The following TRPC3 variants were observed in gnomAD, a reference collection of about 807,000 sequenced individuals.
TRPC3 encodes the protein transient receptor potential cation channel subfamily C member 3, also known as short transient receptor potential channel 3.
In TRPC3, 54 loss-of-function variants were observed where a neutral mutation model predicts 90.9. The observed-to-expected ratio is 0.59, with a 90% confidence interval of 0.48 to 0.75. The LOEUF is 0.75. TRPC3 is among the 30% of genes least tolerant of loss of function. The probability of loss-of-function intolerance (pLI) is 0.00; values close to 1 mark genes in which losing one functional copy is unlikely to be tolerated. For synonymous variants in TRPC3, 424 were observed against 450.9 expected (o/e 0.94, Z 0.75); for missense variants, 918 against 1,194.5 (o/e 0.77, Z 3.41).
intron 3 of TRPC3, among the ~76,000 whole-genome samples, chr4:121,921,282 G>C (rs1401872820): frequency 6.6e-6 from 1 of 151,944 alleles, no homozygotes; most frequent in African/African-American, 2.4e-5. Flanking sequence ...CAGCACTTTG[G>C]GAGGCCGAGG....
In TRPC3 at chr4:121,951,557, C is replaced by A; in HGVS notation, c.124G>T (p.Gly42Cys). 1 of 1,436,198 alleles carries A rather than the reference C, an allele frequency of 7.0e-7. No individual in the cohort carries two copies. The highest frequency in any genetic ancestry group is 9.2e-7 in the Non-Finnish European group (1 of 1,091,696). 89.0% of individuals were successfully genotyped at this position (1,436,198 alleles called of 1,614,324 possible). Residue 42 changes from glycine to cysteine, a missense_variant, in exon 1 of 12, where the codon GGC (glycine) becomes TGC (cysteine). Gly to Cys is a radical substitution (Grantham distance 159). This residue lies in a region of TRPC3 where 609 missense variants were observed against 725.9 expected (regional missense o/e 0.84). Transcript: ENST00000379645. This position sits in a 1 kb window ranked among gnomAD's most constrained non-coding sequence, Gnocchi z 4.4. ...EPQRRRRGWRGVNGGLEPRSA... is the reference protein window; with the variant it reads ...EPQRRRRGWRCVNGGLEPRSA... ...CGCGGCTCCAGCCCCCCGTTGACGC[C>A]CCTCCAGCCCCGGCGGCGGCGCTGC...
intron 11 of TRPC3, 26 bp downstream of exon 11, chr4:121,882,328 A>G (rs1246080095): frequency 6.3e-7 from 1 of 1,587,726 alleles, no homozygotes; most frequent in Non-Finnish European, 8.6e-7. Context: ...CTATAAAAGG[A>G]TATTTTTTAA....
rs1730787288 is a variant in TRPC3 at position 121,951,924 on chromosome 4, C to T, written c.-244G>A. Among the ~76,000 whole-genome samples the T allele has an allele frequency of 6.6e-6, 1 of 151,976 alleles. No individual in the cohort carries two copies. The highest frequency in any genetic ancestry group is 2.4e-5 in the African/African-American group (1 of 41,398). ...GTGGGAGCAGCTGCCGCGGCCGTGGCTGCGACGAGGAAGCCCGGGGCCGAG... is the reference window on the plus strand; with the variant it reads ...GTGGGAGCAGCTGCCGCGGCCGTGGTTGCGACGAGGAAGCCCGGGGCCGAG... On this transcript the variant is annotated 5_prime_UTR_variant, in exon 1 of 12. Coordinates refer to ENST00000379645, the MANE Select transcript of TRPC3 (RefSeq NM_001130698.2). This position sits in a 1 kb window ranked among gnomAD's most constrained non-coding sequence, Gnocchi z 4.4.
At position 121,932,449 on chromosome 4, in the gene TRPC3, C is replaced by G; in HGVS notation, c.809G>C (p.Gly270Ala). 6.2e-7 allele frequency: 1 copy of G among 1,614,180 alleles called. No homozygotes were observed. ...GTGCCTCTGCTTCTCCATGCAGTCC[C>G]CGCACTTGCAGAAATAGTCGTGCGG... The part of the protein sequence containing the change: ...ERPHDYFCKC[G>A]DCMEKQRHDS... Residue 270 changes from glycine to alanine, a missense_variant, in exon 2 of 12, where the codon GGG (glycine) becomes GCG (alanine). Physicochemically the swap from Gly to Ala is moderately conservative, Grantham distance 60. Around this residue, in one of 4 missense-constraint regions of TRPC3, gnomAD observed 609 missense variants for 725.9 expected, o/e 0.84. Coordinates refer to ENST00000379645, the MANE Select transcript of TRPC3 (RefSeq NM_001130698.2). This position sits in a 1 kb window ranked among gnomAD's most constrained non-coding sequence, Gnocchi z 7.7.
At chr4:121,881,864 T>A (rs1388607765) in intron 11 of TRPC3, among the ~76,000 whole-genome samples, 8 of 152,022 alleles carry the variant, frequency 5.3e-5, no homozygotes, top group African/African-American at 1.7e-4. Flanking sequence ...TTGCTTAAAG[T>A]AAGGAGGCAG....
intron 10 of TRPC3, among the ~76,000 whole-genome samples, chr4:121,893,826 G>A (rs1444685826): frequency 2.0e-5 from 3 of 151,998 alleles, no homozygotes. Flanking sequence ...TATATATGGA[G>A]ACATAAGGAT....
chr4:121,951,504 G>A lies in TRPC3; in HGVS notation c.177C>T (p.His59=). ...PRSAPSQREP[H]GYCPPPFSHG... ...GGGAGAAGGGCGGCGGGCAGTAGCC[G>A]TGCGGCTCCCGCTGCGAGGGCGCCG... is the stretch of plus-strand genomic sequence containing the variant. Residue 59 remains histidine (H), a synonymous_variant, in exon 1 of 12, where the codon CAC becomes CAT. Coordinates refer to ENST00000379645, the MANE Select transcript of TRPC3 (RefSeq NM_001130698.2). This position sits in a 1 kb window ranked among gnomAD's most constrained non-coding sequence, Gnocchi z 4.4. 1.1e-5 allele frequency: 15 copies of A among 1,364,214 alleles called. No homozygotes were observed. The highest frequency in any genetic ancestry group is 3.6e-5 in the South Asian group (2 of 54,980). The allele number at this position is 1,364,214 out of a possible 1,614,324, so 84.5% of individuals were successfully genotyped here.
chr4:121,920,033 A>G (rs1449232385), intron 3 of TRPC3, among the ~76,000 whole-genome samples: 1 of 152,200 alleles, frequency 6.6e-6, no homozygotes, highest in Non-Finnish European at 1.5e-5. Flanking sequence ...TGGGGGGCAA[A>G]TAGTCCATTA....
chr4:121,949,839 G>C (rs1730623706), intron 1 of TRPC3, among the ~76,000 whole-genome samples: 1 of 152,104 alleles, frequency 6.6e-6, no homozygotes, highest in Admixed American at 6.5e-5. Flanking sequence ...TTTGCCCTAG[G>C]GTTTTGTGTA....
intron 1 of TRPC3, among the ~76,000 whole-genome samples, chr4:121,941,187 T>C (rs1331308463): frequency 6.6e-6 from 1 of 152,222 alleles, no homozygotes; most frequent in Non-Finnish European, 1.5e-5. Context: ...GGTGTTTGGG[T>C]TGAATCACAA....
chr4:121,896,637 CT>C (rs908571246), intron 10 of TRPC3, among the ~76,000 whole-genome samples: 1 of 151,998 alleles, frequency 6.6e-6, no homozygotes, highest in Non-Finnish European at 1.5e-5. Flanking sequence ...ATGAAAGAAA[CT>C]GAAGAGGATA....
chr4:121,904,410 A>AAC lies in TRPC3; in HGVS notation c.2164_2165insGT (p.Val722GlyfsTer9). The AAC allele has an allele frequency of 6.2e-7, 1 of 1,607,970 alleles. No homozygotes were observed. ...AGTTACATTGTATATTCCATAAAGA[A>AAC]CGTATCCAATATTTTCTATGAATTT... On this transcript the variant is annotated frameshift_variant, in exon 8 of 12. Transcript: ENST00000379645. LOFTEE classifies it high-confidence loss of function.
At position 121,951,791 on chromosome 4, in the gene TRPC3, C is replaced by T; in HGVS notation, c.-111G>A. On this transcript the variant is annotated 5_prime_UTR_variant, in exon 1 of 12. Coordinates refer to ENST00000379645, the MANE Select transcript of TRPC3 (RefSeq NM_001130698.2). The surrounding 1 kb of genome is among the most constrained non-coding windows in gnomAD (Gnocchi z 4.4). ...TCACCACCTCCCGCGGCTTCCGGGG[C>T]CCCGGGCGGCCCAGGGCGGGAAGGC... 1.1e-6 allele frequency: 1 copy of T among 880,352 alleles called. No homozygotes were observed. The highest frequency in any genetic ancestry group is 1.5e-6 in the Non-Finnish European group (1 of 651,014). 54.5% of individuals were successfully genotyped at this position (880,352 alleles called of 1,614,324 possible). A position where few individuals can be genotyped will look rare whatever the true frequency, so the allele number is the denominator to read the frequency against.
intron 9 of TRPC3, 112 bp from the exon 10 acceptor site, chr4:121,899,807 C>T (rs907922232): frequency 3.7e-6 from 3 of 818,944 alleles, no homozygotes; most frequent in Non-Finnish European, 3.9e-6. Flanking sequence ...TCCCAAGAAA[C>T]ATTTTGTGGA....
At chr4:121,921,746 G>C (rs147855479) in intron 3 of TRPC3, among the ~76,000 whole-genome samples, 1 of 152,040 alleles carries the variant, frequency 6.6e-6, no homozygotes, top group Non-Finnish European at 1.5e-5. Flanking sequence ...GAGTGGGCAG[G>C]GTTTGTGCAT....
chr4:121,925,299 T>C, intron 2 of TRPC3, 93 bp from the exon 3 acceptor site: 1 of 1,358,206 alleles, frequency 7.4e-7, no homozygotes, highest in Non-Finnish European at 9.9e-7. Flanking sequence ...ATCCCTTCTT[T>C]TGGGGGTAGA....
intron 2 of TRPC3, among the ~76,000 whole-genome samples, chr4:121,927,127 C>A (rs1043309949): frequency 6.6e-6 from 1 of 152,134 alleles, no homozygotes; most frequent in African/African-American, 2.4e-5. Context: ...TAACTGAATT[C>A]TCAAGGGTTA....
intron 1 of TRPC3, among the ~76,000 whole-genome samples, chr4:121,947,614 T>C (rs1328362409): frequency 6.6e-6 from 1 of 152,194 alleles, no homozygotes; most frequent in Non-Finnish European, 1.5e-5. Context: ...TTACTTTACA[T>C]CTCTGTGTAC....
intron 9 of TRPC3, among the ~76,000 whole-genome samples, chr4:121,901,841 T>G (rs1020973789): frequency 6.6e-6 from 1 of 152,142 alleles, no homozygotes; most frequent in African/African-American, 2.4e-5. Flanking sequence ...ACTACATACA[T>G]GAGGTATTAT....
Sources: gnomAD v4.1 joint callset for allele counts (sites outside exome capture counted in the v4.1 genomes callset) on GRCh38, gnomAD v4.1.1 for gene constraint, gnomAD v4.1.1 regional missense constraint, Gnocchi (gnomAD v3.1) non-coding constraint, MANE v1.5 for transcripts, NCBI Gene and HGNC (gene_info 2026-07-23, HGNC 2026-07-21) for gene names.